PKD1L1: variants seen among roughly 807,000 people sequenced by gnomAD.
PKD1L1 encodes polycystin-1-like protein 1.
In PKD1L1, 236 loss-of-function variants were observed where a neutral mutation model predicts 323.4. That is an observed-to-expected ratio of 0.73 (90% CI 0.66 to 0.81). The LOEUF (loss-of-function observed/expected upper bound fraction) is 0.81. PKD1L1 is among the 40% of genes least tolerant of loss of function. PKD1L1 has a pLI of 0.00. For synonymous variants in PKD1L1, 1,344 were observed against 1,335.0 expected (o/e 1.01, Z -0.15); for missense variants, 3,320 against 3,508.0 (o/e 0.95, Z 1.35).
chr7:47,930,197 A>G (rs1001292625), intron 6 of PKD1L1, among the ~76,000 whole-genome samples: 3 of 151,780 alleles, frequency 2.0e-5, no homozygotes, highest in African/African-American at 7.3e-5. Flanking sequence ...AAGTATCTTA[A>G]TGGCCAATTC....
chr7:47,872,188 TG>T (rs1222651612), intron 24 of PKD1L1, among the ~76,000 whole-genome samples: 1 of 152,224 alleles, frequency 6.6e-6, no homozygotes, highest in Admixed American at 6.5e-5. Context: ...AGCAGGAGTC[TG>T]GAGCCCCAGT....
rs754968954 is a variant in PKD1L1 at position 47,881,900 on chromosome 7, C to T, written c.3442+9G>A. 8 of 1,581,866 alleles carry T rather than the reference C, an allele frequency of 5.1e-6. No individual in the cohort carries two copies. The highest frequency in any genetic ancestry group is 1.4e-5 in the African/African-American group (1 of 72,986). On this transcript the variant is annotated intron_variant, in intron 20 of 56. Transcript: ENST00000289672. ...TGCAAATTGGAGGGTACAAAGAGGA[C>T]ATTCATACCTGAGGATGAATAGCCT...
chr7:47,826,974 G>A (rs1208480466), intron 45 of PKD1L1, among the ~76,000 whole-genome samples: 4 of 152,252 alleles, frequency 2.6e-5, no homozygotes, highest in African/African-American at 9.6e-5. Flanking sequence ...CCCAGCTGGA[G>A]AAGCAGAAGT....
intron 24 of PKD1L1, among the ~76,000 whole-genome samples, chr7:47,868,823 C>T (rs563673130): frequency 3.5e-4 from 54 of 152,260 alleles, no homozygotes; most frequent in Middle Eastern, 3.4e-3. Flanking sequence ...TGCAGTGAGC[C>T]GAGATCACGG....
intron 40 of PKD1L1, among the ~76,000 whole-genome samples, chr7:47,833,714 G>C (rs1785397451): frequency 6.6e-6 from 1 of 152,194 alleles, no homozygotes; most frequent in African/African-American, 2.4e-5. Context: ...CAGAGAGTTA[G>C]AGCCTGGCAA....
intron 13 of PKD1L1, among the ~76,000 whole-genome samples, chr7:47,902,121 TAAAG>T (rs1251661564): frequency 6.6e-6 from 1 of 151,892 alleles, no homozygotes; most frequent in East Asian, 1.9e-4. Context: ...TGCAGGCGAA[TAAAG>T]AACTTATTCA....
At chr7:47,834,832 C>T in intron 39 of PKD1L1, 135 bp downstream of exon 39, 1 of 722,926 alleles carries the variant, frequency 1.4e-6, no homozygotes, top group Non-Finnish European at 2.3e-6. Flanking sequence ...CTTTTACACA[C>T]ATTAAATGAT....
chr7:47,830,220 G>T, intron 42 of PKD1L1, 96 bp from the exon 43 acceptor site: 1 of 1,017,762 alleles, frequency 9.8e-7, no homozygotes, highest in Non-Finnish European at 1.5e-6. Context: ...GCCTGAGAGG[G>T]CCTATGGCCT....
rs775640489 is a variant in PKD1L1, at chr7:47,827,421, T to C, written c.6783A>G (p.Pro2261=). The change falls in exon 45 of 57, where the codon CCA becomes CCG. Residue 2261 remains proline, a synonymous_variant. Coordinates refer to ENST00000289672, the MANE Select transcript of PKD1L1 (RefSeq NM_138295.5). ...TGCCCCTCAGCTGGGCCTTGGATGGTGGATGCGCCCAGCGCAGGTGGCGAG... is the reference window on the plus strand; with the variant it reads ...TGCCCCTCAGCTGGGCCTTGGATGGCGGATGCGCCCAGCGCAGGTGGCGAG... ...QQARHLRWAH[P]PSKAQLRGTR... 25 of 1,613,222 alleles carry C rather than the reference T, an allele frequency of 1.5e-5. No individual in the cohort carries two copies. The highest frequency in any genetic ancestry group is 1.8e-5 in the Non-Finnish European group (21 of 1,179,888).
At chr7:47,874,995 T>G (rs981469116) in intron 23 of PKD1L1, among the ~76,000 whole-genome samples, 2 of 152,164 alleles carry the variant, frequency 1.3e-5, no homozygotes, top group Admixed American at 1.3e-4. Context: ...GACCTGAAAT[T>G]TGGTCTGTAA....
At chr7:47,824,309 CT>C (rs2128733358) in intron 45 of PKD1L1, among the ~76,000 whole-genome samples, 1 of 152,256 alleles carries the variant, frequency 6.6e-6, no homozygotes, top group African/African-American at 2.4e-5. Context: ...TTTTGACTTC[CT>C]TGAACTCAAA....
At chr7:47,915,355 A>T (rs1787405222) in intron 8 of PKD1L1, 77 bp downstream of exon 8, 1 of 756,052 alleles carries the variant, frequency 1.3e-6, no homozygotes. Flanking sequence ...TCATCTGTGT[A>T]AACCAATGAA....
intron 7 of PKD1L1, among the ~76,000 whole-genome samples, chr7:47,916,106 C>G (rs1787424407): frequency 6.6e-6 from 1 of 152,202 alleles, no homozygotes; most frequent in Non-Finnish European, 1.5e-5. Flanking sequence ...GCACTGATAT[C>G]AAAGACCAAA....
At chr7:47,935,829 C>T (rs1787857694) in intron 4 of PKD1L1, among the ~76,000 whole-genome samples, 1 of 152,224 alleles carries the variant, frequency 6.6e-6, no homozygotes. Context: ...GGAGGTATAT[C>T]AGAAAGAACT....
chr7:47,904,595 A>G lies in PKD1L1; in HGVS notation c.1714T>C (p.Ser572Pro). The G allele has an allele frequency of 1.2e-6, 2 of 1,613,688 alleles. No individual in the cohort carries two copies. Among genetic ancestry groups the G allele is most frequent in the Non-Finnish European group, 1.7e-6 (2 of 1,179,714 alleles). ...PQWYRVMVKA[S>P]NRMSSVVSEP... ...GAGACCACACTGCTCATCCTGTTGG[A>G]AGCCTTAACCATCACACGATACCTG... is the stretch of plus-strand genomic sequence containing the variant. Residue 572 changes from serine (S) to proline (P), a missense_variant, in exon 12 of 57, where the codon TCC (serine) becomes CCC (proline). Coordinates refer to ENST00000289672, the MANE Select transcript of PKD1L1 (RefSeq NM_138295.5).
chr7:47,810,514 C>T (rs1784871318), intron 50 of PKD1L1, among the ~76,000 whole-genome samples: 1 of 152,188 alleles, frequency 6.6e-6, no homozygotes, highest in African/African-American at 2.4e-5. Flanking sequence ...AGACCCTGAC[C>T]AGTGGCCCAT....
intron 26 of PKD1L1, among the ~76,000 whole-genome samples, chr7:47,861,952 T>TGGGAG (rs1309825324): frequency 1.4e-5 from 2 of 147,258 alleles, no homozygotes; most frequent in African/African-American, 5.0e-5. Flanking sequence ...CCCAGCACTT[T>TGGGAG]GGGAGGCTGA....
chr7:47,786,267 C>T (rs1308726710), intron 56 of PKD1L1, among the ~76,000 whole-genome samples: 1 of 152,160 alleles, frequency 6.6e-6, no homozygotes, highest in Non-Finnish European at 1.5e-5. Flanking sequence ...TTGGGAAAAG[C>T]TAAGTATTCT....
At chr7:47,960,375 A>AC in the PKD1L1 span, among the ~76,000 whole-genome samples, 1 of 61,748 alleles carries the variant, frequency 1.6e-5, no homozygotes, top group South Asian at 6.2e-4. Context: ...ATAAAAAAAA[A>AC]TTAAAAAAAA....
Sources: gnomAD v4.1 joint callset for allele counts (sites outside exome capture counted in the v4.1 genomes callset) on GRCh38, gnomAD v4.1.1 for gene constraint, MANE v1.5 for transcripts, NCBI Gene and HGNC (gene_info 2026-07-23, HGNC 2026-07-21) for gene names.